The following ZNF212 variants were observed in gnomAD, a reference collection of about 807,000 sequenced individuals.
ZNF212 encodes zinc finger protein 212, also known as Zinc finger protein C2H2-150.
ZNF212 carries 32 observed loss-of-function variants against 47.3 expected under a neutral mutation model. That is an observed-to-expected ratio of 0.68 (90% CI 0.51 to 0.91). ZNF212 has a LOEUF of 0.91. ZNF212 is among the 40% of genes least tolerant of loss of function. The pLI is 0.00. For synonymous variants in ZNF212, 242 were observed against 253.8 expected (o/e 0.95, Z 0.44); for missense variants, 555 against 622.8 (o/e 0.89, Z 1.16).
chr7:149,250,070 A>G lies in ZNF212; in HGVS notation c.25-89A>G. The G allele has an allele frequency of 2.4e-6, 3 of 1,266,696 alleles. No individual in the cohort carries two copies. In the South Asian group the frequency reaches 8.3e-5, roughly 35 times the overall value. 78.5% of individuals were successfully genotyped at this position (1,266,696 alleles called of 1,614,324 possible). A position where few individuals can be genotyped will look rare whatever the true frequency, so the allele number is the denominator to read the frequency against. On this transcript the variant is annotated intron_variant, in intron 1 of 4. Transcript: ENST00000335870. ...TGCTTTTTTTTAATTAAAAGAAACT[A>G]GATAACTCTGAGCACTGATACACTT...
Position 149,248,434 on chromosome 7 carries a change from A to C in ZNF212, c.25-1725A>C, listed in dbSNP as rs561738334. ...ATTTTGAGGAGACACAATTCAACCC[A>C]TAACACTGGATGGATCACAATTTTT... is the stretch of plus-strand genomic sequence containing the variant. On this transcript the variant is annotated intron_variant, in intron 1 of 4. Transcript: ENST00000335870. 3.3e-5 allele frequency among the ~76,000 whole-genome samples: 5 copies of C among 152,368 alleles called. No individual in the cohort carries two copies. The South Asian group carries it at 1.0e-3, about 32-fold the overall frequency.
At chr7:149,248,395 G>A (rs1213700042) in intron 1 of ZNF212, among the ~76,000 whole-genome samples, 5 of 152,086 alleles carry the variant, frequency 3.3e-5, no homozygotes, top group Admixed American at 3.3e-4. Flanking sequence ...TGAGGATTAG[G>A]GTTTTACTGT....
At position 149,250,658 on chromosome 7, in the gene ZNF212, TG is replaced by T. The variant is rs781495830; in HGVS notation, c.415-21del. 3 of 1,614,028 alleles carry T rather than the reference TG, an allele frequency of 1.9e-6. No homozygotes were observed. In the African/African-American group the frequency reaches 4.0e-5, roughly 22 times the overall value. On this transcript the variant is annotated intron_variant, in intron 2 of 4. Transcript: ENST00000335870. ...TCATAGCTGTGAGTAGAAGCACTCA[TG>T]GTGTGCCATTGGTGATTCCAGGTGT...
chr7:149,247,732 C>T (rs1241195657), intron 1 of ZNF212, among the ~76,000 whole-genome samples: 5 of 152,090 alleles, frequency 3.3e-5, no homozygotes, highest in Non-Finnish European at 7.3e-5. Flanking sequence ...TTGTGTTTCT[C>T]TCCTAGCTTC....
Position 149,250,552 on chromosome 7 carries a change from G to C in ZNF212, c.414+4G>C. On this transcript the variant is annotated splice_donor_region_variant and intron_variant, in intron 2 of 4. Transcript: ENST00000335870. ...CAGCAAGGGGGAGGCCCCCAAGGTA[G>C]TCTCATTGAGGATTAAAAGTTAGAA... 2.5e-6 allele frequency: 4 copies of C among 1,608,768 alleles called. No homozygotes were observed. Among genetic ancestry groups the C allele is most frequent in the Non-Finnish European group, 3.4e-6 (4 of 1,177,310 alleles).
At chr7:149,242,213 GT>G (rs1246817524) in intron 1 of ZNF212, among the ~76,000 whole-genome samples, 3 of 151,502 alleles carry the variant, frequency 2.0e-5, no homozygotes, top group Non-Finnish European at 4.4e-5. Context: ...TAGAGATGGG[GT>G]TTCACCGTGT....
intron 1 of ZNF212, among the ~76,000 whole-genome samples, chr7:149,247,316 C>T (rs749121733): frequency 3.3e-5 from 5 of 151,824 alleles, no homozygotes; most frequent in Non-Finnish European, 7.4e-5. Flanking sequence ...TGCTTTGTTG[C>T]CCAGGCTGAT....
chr7:149,254,464 T>G lies in ZNF212; in HGVS notation c.*49T>G. On this transcript the variant is annotated 3_prime_UTR_variant, in exon 5 of 5. Coordinates refer to ENST00000335870, the MANE Select transcript of ZNF212 (RefSeq NM_012256.4). The surrounding 1 kb of genome is among the most constrained non-coding windows in gnomAD (Gnocchi z 4.5). ...GGGGATGGAGGGGGGTGGCATTGGTTCCCCCGAAGAGACACTGCAGTCAGG... is the reference window on the plus strand; with the variant it reads ...GGGGATGGAGGGGGGTGGCATTGGTGCCCCCGAAGAGACACTGCAGTCAGG... 6.5e-7 allele frequency: 1 copy of G among 1,539,954 alleles called. No individual in the cohort carries two copies.
intron 1 of ZNF212, among the ~76,000 whole-genome samples, chr7:149,245,636 G>T (rs1024571636): frequency 2.0e-5 from 3 of 152,044 alleles, no homozygotes; most frequent in Non-Finnish European, 4.4e-5. Context: ...TTCCTGAGTG[G>T]CTGGAACTAT....
Position 149,254,558 on chromosome 7 carries a change from A to G in ZNF212, c.*143A>G, listed in dbSNP as rs994154670. ...TTGTCCCAGTACCAAGCCAAGCCCA[A>G]AGGCTGTCCTGAAAACCCTGTGGAA... is the stretch of plus-strand genomic sequence containing the variant. On this transcript the variant is annotated 3_prime_UTR_variant, in exon 5 of 5. Coordinates refer to ENST00000335870, the MANE Select transcript of ZNF212 (RefSeq NM_012256.4). This position sits in a 1 kb window ranked among gnomAD's most constrained non-coding sequence, Gnocchi z 4.5. 3.1e-6 allele frequency: 4 copies of G among 1,277,554 alleles called. No homozygotes were observed. The highest frequency in any genetic ancestry group is 1.5e-5 in the African/African-American group (1 of 66,626). 79.1% of individuals were successfully genotyped at this position (1,277,554 alleles called of 1,614,324 possible).
Position 149,242,247 on chromosome 7 carries a change from C to T in ZNF212, c.24+2445C>T, listed in dbSNP as rs1185927155. 7.3e-5 allele frequency among the ~76,000 whole-genome samples: 11 copies of T among 151,634 alleles called. No homozygotes were observed. The East Asian group carries it at 2.1e-3, about 29-fold the overall frequency. ...TGTTGGCTGGGCTGGTCTCTGAACTCCTGACCTCAGGTGATCCACCTGCCT... is the reference window on the plus strand; with the variant it reads ...TGTTGGCTGGGCTGGTCTCTGAACTTCTGACCTCAGGTGATCCACCTGCCT... On this transcript the variant is annotated intron_variant, in intron 1 of 4. Transcript: ENST00000335870.
At chr7:149,253,330 A>T (rs1277082559) in intron 4 of ZNF212, among the ~76,000 whole-genome samples, 1 of 152,206 alleles carries the variant, frequency 6.6e-6, no homozygotes, top group Non-Finnish European at 1.5e-5. Context: ...CATTTACAGT[A>T]TTGTTTTATA....
At chr7:149,244,807 C>A (rs887274456) in intron 1 of ZNF212, among the ~76,000 whole-genome samples, 7 of 152,138 alleles carry the variant, frequency 4.6e-5, no homozygotes, top group Non-Finnish European at 1.0e-4. Context: ...ACTTCATGCA[C>A]CCTCTTCATG....
chr7:149,251,491 C>CTT (rs71194634), intron 3 of ZNF212, among the ~76,000 whole-genome samples: 6,272 of 77,446 alleles, frequency 0.081, 462 homozygotes, highest in Non-Finnish European at 0.097. Flanking sequence ...CCTGTTTTAT[C>CTT]TTTTTTTTTT....
chr7:149,240,387 C>CCG (rs1554473681), intron 1 of ZNF212, among the ~76,000 whole-genome samples: 3 of 149,768 alleles, frequency 2.0e-5, no homozygotes, highest in Non-Finnish European at 3.0e-5. Context: ...CCTTCACCCC[C>CCG]CCCCCAACAC....
intron 1 of ZNF212, among the ~76,000 whole-genome samples, chr7:149,243,458 A>AAAAAAGAG (rs1563187292): frequency 2.8e-5 from 4 of 144,340 alleles, no homozygotes; most frequent in Admixed American, 2.1e-4. Context: ...AAAAAAAAAA[A>AAAAAAGAG]AGAGAGAGAG....
chr7:149,248,884 C>G (rs1045493583), intron 1 of ZNF212, among the ~76,000 whole-genome samples: 1 of 152,104 alleles, frequency 6.6e-6, no homozygotes, highest in Non-Finnish European at 1.5e-5. Context: ...CTTAAATGTT[C>G]AGTTCTGCAC....
chr7:149,248,199 A>G (rs1796704553), intron 1 of ZNF212, among the ~76,000 whole-genome samples: 1 of 152,234 alleles, frequency 6.6e-6, no homozygotes, highest in Admixed American at 6.5e-5. Flanking sequence ...TACAATTTCA[A>G]CATGGGTTTT....
chr7:149,239,918 G>T, intron 1 of ZNF212, 116 bp downstream of exon 1: 2 of 1,181,292 alleles, frequency 1.7e-6, no homozygotes, highest in Non-Finnish European at 2.2e-6. Flanking sequence ...CGGGGCTGCC[G>T]TTGGCGCGGG....
Sources: allele counts gnomAD v4.1 joint callset (sites outside exome capture counted in the v4.1 genomes callset), GRCh38; gene constraint gnomAD v4.1.1; non-coding constraint Gnocchi (gnomAD v3.1); transcripts MANE v1.5; gene names NCBI Gene and HGNC (gene_info 2026-07-23, HGNC 2026-07-21).